The following ITPR2 variants were observed in gnomAD, a reference collection of about 807,000 sequenced individuals.
ITPR2 encodes inositol 1,4,5-trisphosphate-gated calcium channel ITPR2.
In ITPR2, 207 loss-of-function variants were observed where a neutral mutation model predicts 317.1. The observed-to-expected ratio is 0.65, with a 90% CI of 0.58 to 0.73. The LOEUF is 0.73. Ranked by LOEUF, ITPR2 falls within the 30% of genes least tolerant of loss-of-function variation. The pLI is 0.00. For synonymous variants in ITPR2, 1,156 were observed against 1,149.1 expected, an observed-to-expected ratio of 1.01 and a Z score of -0.12; for missense variants, 2,613 against 3,284.0, an observed-to-expected ratio of 0.80 and a Z score of 4.99.
intron 55 of ITPR2, among the ~76,000 whole-genome samples, chr12:26,366,832 C>T (rs1198329486): frequency 1.3e-5 from 2 of 152,074 alleles, no homozygotes; most frequent in Non-Finnish European, 2.9e-5. Context: ...TTTTCTGGTT[C>T]TCTAAAAACA....
At chr12:26,656,049 T>C (rs574064518) in intron 19 of ITPR2, among the ~76,000 whole-genome samples, 197 bp from the exon 20 acceptor site, 4 of 152,366 alleles carry the variant, frequency 2.6e-5, no homozygotes, top group African/African-American at 7.2e-5. Flanking sequence ...TCTACCACAA[T>C]ATTAAGTACT....
rs182564968 is a variant in ITPR2, at chr12:26,760,759, C to A, written c.163+29398G>T. On this transcript the variant is annotated intron_variant, in intron 2 of 56. Transcript: ENST00000381340. ...ACTAGAATGGAGAGTATGATAGTTT[C>A]CTATTAATAGTGTGAAAACACATTC... Among the ~76,000 whole-genome samples the A allele has an allele frequency of 2.3e-3, 350 of 152,244 alleles. 1 individual carries two copies. Among genetic ancestry groups the A allele is most frequent in the Non-Finnish European group, 1.5e-3 (105 of 68,004 alleles).
In ITPR2 at chr12:26,725,579, G is replaced by C; in HGVS notation, c.279+71C>G. ...TTGGGTGAAAGGACAAAGCTAGAAAGCTCTAAATACATTTTTATTATTGCT... is the reference window on the plus strand; with the variant it reads ...TTGGGTGAAAGGACAAAGCTAGAAACCTCTAAATACATTTTTATTATTGCT... On this transcript the variant is annotated intron_variant, in intron 3 of 56. Transcript: ENST00000381340. 3 of 1,000,316 alleles carry C rather than the reference G, an allele frequency of 3.0e-6. 1 individual carries two copies. The South Asian group carries it at 4.1e-5, about 14-fold the overall frequency. The allele number at this position is 1,000,316 out of a possible 1,614,324, so 62.0% of individuals were successfully genotyped here.
chr12:26,476,859 T>C (rs1942428321), intron 44 of ITPR2, 53 bp downstream of exon 44: 2 of 1,198,892 alleles, frequency 1.7e-6, no homozygotes, highest in Admixed American at 2.0e-5. Flanking sequence ...ATTCTCTAAA[T>C]TTTTTCCTTT....
intron 13 of ITPR2, among the ~76,000 whole-genome samples, chr12:26,669,713 G>A (rs543213929): frequency 1.3e-5 from 2 of 150,336 alleles, no homozygotes; most frequent in African/African-American, 4.8e-5. Context: ...AGTGGGTGCA[G>A]CGCACCATGC....
chr12:26,342,688 C>A (rs2136543633), intron 55 of ITPR2, among the ~76,000 whole-genome samples: 1 of 152,302 alleles, frequency 6.6e-6, no homozygotes, highest in Middle Eastern at 3.4e-3. Context: ...CAGCTCACCA[C>A]AACCTCCGCC....
At chr12:26,618,759 C>T (rs1305924901) in intron 26 of ITPR2, among the ~76,000 whole-genome samples, 1 of 152,070 alleles carries the variant, frequency 6.6e-6, no homozygotes, top group African/African-American at 2.4e-5. Context: ...CGGGAAGAGC[C>T]CAAATGTCCA....
chr12:26,339,489 G>A lies in ITPR2; in HGVS notation c.8020-6C>T, dbSNP rs1486510348. On this transcript the variant is annotated splice_region_variant and splice_polypyrimidine_tract_variant and intron_variant, in intron 56 of 56. Coordinates refer to ENST00000381340, the MANE Select transcript of ITPR2 (RefSeq NM_002223.4). ...TTCTTCCTTTGTTCTGTCATCTGGGGGAAAAGAGAGAGTGTGTGTTCAGCG... is the reference window on the plus strand; with the variant it reads ...TTCTTCCTTTGTTCTGTCATCTGGGAGAAAAGAGAGAGTGTGTGTTCAGCG... 6.2e-7 allele frequency: 1 copy of A among 1,612,414 alleles called. No individual in the cohort carries two copies. The highest frequency in any genetic ancestry group is 1.1e-5 in the South Asian group (1 of 90,982).
intron 1 of ITPR2, among the ~76,000 whole-genome samples, chr12:26,832,136 T>C (rs1951121592): frequency 6.6e-6 from 1 of 151,998 alleles, no homozygotes; most frequent in African/African-American, 2.4e-5. Flanking sequence ...GAGTCCTGGT[T>C]CGGCAAGGCC....
chr12:26,832,854 C>G lies in ITPR2; in HGVS notation c.-73G>C. On this transcript the variant is annotated 5_prime_UTR_variant, in exon 1 of 57. Transcript: ENST00000381340. Reference sequence around the variant, plus strand: ...CGCCGCCCTCTCTCCAGGGAGCCGCCGCGGCAGAAGCGGATCGGATCGCGG... The same window carrying G: ...CGCCGCCCTCTCTCCAGGGAGCCGCGGCGGCAGAAGCGGATCGGATCGCGG... 1 of 1,216,832 alleles carries G rather than the reference C, an allele frequency of 8.2e-7. No individual in the cohort carries two copies. The highest frequency in any genetic ancestry group is 1.2e-6 in the Non-Finnish European group (1 of 838,140). 75.4% of individuals were successfully genotyped at this position (1,216,832 alleles called of 1,614,324 possible).
At chr12:26,702,495 G>C (rs1948467343) in intron 9 of ITPR2, among the ~76,000 whole-genome samples, 1 of 149,900 alleles carries the variant, frequency 6.7e-6, no homozygotes. Flanking sequence ...CTGTAGTGCA[G>C]TGGTGCGATC....
At chr12:26,489,421 G>A (rs1375220691) in intron 39 of ITPR2, among the ~76,000 whole-genome samples, 1 of 152,186 alleles carries the variant, frequency 6.6e-6, no homozygotes. Flanking sequence ...TTCTAGAAAA[G>A]AGATGCTTAT....
intron 2 of ITPR2, among the ~76,000 whole-genome samples, chr12:26,781,656 C>T (rs1186847216): frequency 3.3e-5 from 5 of 151,918 alleles, no homozygotes; most frequent in Non-Finnish European, 5.9e-5. Context: ...TGAGTGTCAA[C>T]TTGATTGGAT....
At chr12:26,658,925 A>G (rs1200325921) in intron 16 of ITPR2, among the ~76,000 whole-genome samples, 188 bp downstream of exon 16, 1 of 152,212 alleles carries the variant, frequency 6.6e-6, no homozygotes, top group African/African-American at 2.4e-5. Flanking sequence ...AAGTATGTCT[A>G]TAAAGGGCTC....
intron 26 of ITPR2, among the ~76,000 whole-genome samples, chr12:26,605,190 A>G (rs1946104579): frequency 6.6e-6 from 1 of 151,246 alleles, no homozygotes; most frequent in African/African-American, 2.4e-5. Context: ...GTAGAAGAGA[A>G]AACACAACCC....
chr12:26,648,510 C>A (rs969359007), intron 21 of ITPR2, among the ~76,000 whole-genome samples: 2 of 131,322 alleles, frequency 1.5e-5, no homozygotes, highest in Admixed American at 1.5e-4. Flanking sequence ...AAACCACTTT[C>A]TTTTTTTTTT....
intron 21 of ITPR2, among the ~76,000 whole-genome samples, chr12:26,652,883 C>T (rs929159212): frequency 6.6e-6 from 1 of 152,188 alleles, no homozygotes; most frequent in African/African-American, 2.4e-5. Context: ...TGCAAACAAG[C>T]CTCTAGATCA....
At chr12:26,703,096 T>C (rs1948480891) in intron 9 of ITPR2, among the ~76,000 whole-genome samples, 1 of 152,190 alleles carries the variant, frequency 6.6e-6, no homozygotes, top group East Asian at 1.9e-4. Context: ...TAAAATAGAG[T>C]ATCATACTTG....
rs775756580 is a variant in ITPR2 at position 26,424,586 on chromosome 12, G to GTTTTTTT, written c.6945+3320_6945+3326dup. 1.9e-3 allele frequency among the ~76,000 whole-genome samples: 170 copies of GTTTTTTT among 88,676 alleles called. 1 individual carries two copies. The highest frequency in any genetic ancestry group is 8.8e-3 in the Middle Eastern group (1 of 114). 58.2% of individuals were successfully genotyped at this position (88,676 alleles called of 152,430 possible). A position where few individuals can be genotyped will look rare whatever the true frequency, so the allele number is the denominator to read the frequency against. ...TTTTTGGTTTTTGTTTTCGTTTTGT[G>GTTTTTTT]TTTTTTTTTTTTTTTTTTTTTGAGA... On this transcript the variant is annotated intron_variant, in intron 49 of 56. Coordinates refer to ENST00000381340, the MANE Select transcript of ITPR2 (RefSeq NM_002223.4).
Sources: gnomAD v4.1 joint callset for allele counts (sites outside exome capture counted in the v4.1 genomes callset) on GRCh38, gnomAD v4.1.1 for gene constraint, MANE v1.5 for transcripts, NCBI Gene and HGNC (gene_info 2026-07-23, HGNC 2026-07-21) for gene names.